The following KAZN variants were observed in gnomAD, a reference collection of about 807,000 sequenced individuals.
The protein encoded by KAZN is kazrin, periplakin interacting protein.
In KAZN, 40 loss-of-function variants were observed where a neutral mutation model predicts 87.4. The ratio of observed to expected loss-of-function variants is 0.46; its 90% confidence interval spans 0.36 to 0.60. The LOEUF is 0.60. Among genes scored for constraint, KAZN ranks in the 20% least tolerant of loss-of-function variants. KAZN has a pLI of 0.00. For synonymous variants in KAZN, 466 were observed against 458.3 expected, an observed-to-expected ratio of 1.02 and a Z score of -0.22; for missense variants, 898 against 1,073.9, an observed-to-expected ratio of 0.84 and a Z score of 2.29.
At chr1:14,111,780 C>T (rs1301474262) in intron 1 of KAZN, among the ~76,000 whole-genome samples, 9 of 144,242 alleles carry the variant, frequency 6.2e-5, no homozygotes, top group African/African-American at 1.6e-4. Flanking sequence ...CGCTCTGTCG[C>T]CCAGGCTGCA....
intron 2 of KAZN, among the ~76,000 whole-genome samples, chr1:14,234,793 T>G (rs773524454): frequency 2.6e-5 from 4 of 152,238 alleles, no homozygotes; most frequent in Non-Finnish European, 4.4e-5. Flanking sequence ...TTTGAAAAAT[T>G]GCCTATGCAA....
At chr1:14,163,996 C>A (rs141157831) in intron 1 of KAZN, among the ~76,000 whole-genome samples, 48 of 152,292 alleles carry the variant, frequency 3.2e-4, no homozygotes, top group African/African-American at 1.1e-3. Context: ...TGCTGATACT[C>A]TTCTCTGACG....
intron 2 of KAZN, among the ~76,000 whole-genome samples, chr1:14,541,242 A>G (rs756794577): frequency 3.3e-5 from 5 of 152,228 alleles, no homozygotes; most frequent in Non-Finnish European, 5.9e-5. Flanking sequence ...ATAGCTGCAA[A>G]TTAGCCAGTT....
At chr1:14,684,659 C>T (rs944633240) in intron 1 of KAZN, among the ~76,000 whole-genome samples, 2 of 152,190 alleles carry the variant, frequency 1.3e-5, no homozygotes, top group Admixed American at 6.5e-5. Context: ...TTTTCCTTGG[C>T]TTGTGGCCCC....
chr1:15,105,242 G>C (rs1641253482), intron 13 of KAZN, among the ~76,000 whole-genome samples: 1 of 152,220 alleles, frequency 6.6e-6, no homozygotes, highest in Admixed American at 6.5e-5. Flanking sequence ...ATTGGTGTTT[G>C]TTATTCTTTA....
chr1:14,715,974 TA>T (rs1642773601), intron 1 of KAZN, among the ~76,000 whole-genome samples: 1 of 152,184 alleles, frequency 6.6e-6, no homozygotes, highest in South Asian at 2.1e-4. Flanking sequence ...TGAAGGTCTT[TA>T]ATCAACTGTG....
At chr1:14,555,612 G>A (rs1307026004) in intron 2 of KAZN, among the ~76,000 whole-genome samples, 1 of 151,770 alleles carries the variant, frequency 6.6e-6, no homozygotes, top group African/African-American at 2.4e-5. Context: ...AATCTTCACT[G>A]GAAGAAAAAA....
intron 5 of KAZN, among the ~76,000 whole-genome samples, chr1:15,058,758 C>T (rs984364489): frequency 2.0e-5 from 3 of 152,170 alleles, no homozygotes; most frequent in African/African-American, 7.2e-5. Flanking sequence ...CAGTGGCTCA[C>T]GCCTGTAAGC....
intron 2 of KAZN, among the ~76,000 whole-genome samples, chr1:14,484,431 A>G (rs911130744): frequency 6.6e-6 from 1 of 152,248 alleles, no homozygotes; most frequent in Non-Finnish European, 1.5e-5. Context: ...TTCGTGTTTC[A>G]AAATATCAGG....
At chr1:14,570,628 T>C (rs1417810704) in intron 2 of KAZN, among the ~76,000 whole-genome samples, 1 of 152,216 alleles carries the variant, frequency 6.6e-6, no homozygotes, top group African/African-American at 2.4e-5. Flanking sequence ...TAACCATTCA[T>C]CAGTTGATGA....
intron 1 of KAZN, among the ~76,000 whole-genome samples, chr1:14,858,910 C>T (rs1197245898): frequency 6.6e-6 from 1 of 152,134 alleles, no homozygotes; most frequent in African/African-American, 2.4e-5. Context: ...GATAAAATTT[C>T]TCATCTTCCA....
chr1:14,213,481 A>G (rs530365105), intron 2 of KAZN, among the ~76,000 whole-genome samples: 1 of 152,338 alleles, frequency 6.6e-6, no homozygotes, highest in East Asian at 1.9e-4. Context: ...AGGAGTATCC[A>G]AGACAGAGGA....
chr1:15,092,073 A>ATTTTTTTTTTTTTTTTTTTTTTTTTTTG, intron 8 of KAZN, among the ~76,000 whole-genome samples: 1 of 75,486 alleles, frequency 1.3e-5, no homozygotes, highest in Non-Finnish European at 2.5e-5. Context: ...TTTTTTTTTG[A>ATTTTTTTTTTTTTTTTTTTTTTTTTTTG]TTTTTTTTTT....
intron 2 of KAZN, among the ~76,000 whole-genome samples, chr1:14,474,086 G>C (rs946369067): frequency 6.6e-6 from 1 of 152,190 alleles, no homozygotes; most frequent in Non-Finnish European, 1.5e-5. Flanking sequence ...CAGGGACTAT[G>C]TCTGTCTTGT....
At chr1:14,146,309 T>C (rs1468411667) in intron 1 of KAZN, among the ~76,000 whole-genome samples, 1 of 151,174 alleles carries the variant, frequency 6.6e-6, no homozygotes, top group African/African-American at 2.4e-5. Context: ...CCGAGGCAGG[T>C]GGATCGCCTG....
At chr1:14,890,917 C>T (rs1455091591) in intron 1 of KAZN, among the ~76,000 whole-genome samples, 3 of 144,956 alleles carry the variant, frequency 2.1e-5, no homozygotes, top group Admixed American at 7.3e-5. Context: ...GATCTCAGCT[C>T]ACTGCAAGCT....
At chr1:14,122,859 T>C (rs1299090710) in intron 1 of KAZN, among the ~76,000 whole-genome samples, 2 of 152,234 alleles carry the variant, frequency 1.3e-5, no homozygotes, top group African/African-American at 2.4e-5. Context: ...TATTATGTTC[T>C]ACTAGATTAA....
Position 14,903,306 on chromosome 1 carries a change from G to T in KAZN, c.227-57378G>T, listed in dbSNP as rs1572779563. ...ACCCAAACTACGTTTCAAGAAAGAG[G>T]TTGTGAAGTGGCCCGCTTTGAGCAG... On this transcript the variant is annotated intron_variant, in intron 1 of 14. Transcript: ENST00000376030. Among the ~76,000 whole-genome samples the T allele has an allele frequency of 2.6e-5, 4 of 152,212 alleles. No homozygotes were observed. The East Asian group carries it at 7.7e-4, about 29-fold the overall frequency.
intron 2 of KAZN, among the ~76,000 whole-genome samples, chr1:14,419,076 G>A (rs12123898): frequency 0.071 from 10,757 of 152,218 alleles, 593 homozygotes; most frequent in South Asian, 0.11. Context: ...TATGTGAGCC[G>A]TATTGAGCAT....
Sources: gnomAD v4.1 joint callset for allele counts (sites outside exome capture counted in the v4.1 genomes callset) on GRCh38, gnomAD v4.1.1 for gene constraint, MANE v1.5 for transcripts, NCBI Gene and HGNC (gene_info 2026-07-23, HGNC 2026-07-21) for gene names.